Variants in PROM1 observed in about 807,000 individuals in gnomAD.
PROM1 encodes the protein prominin-1.
Under a neutral mutation model 116.9 loss-of-function variants are expected in PROM1, and 105 were observed. That is an observed-to-expected ratio of 0.90 (90% CI 0.77 to 1.06). PROM1 has a LOEUF of 1.06. Among genes scored for constraint, PROM1 ranks in the 50% least tolerant of loss-of-function variants. The probability of loss-of-function intolerance (pLI) is 0.00; values close to 1 mark genes in which losing one functional copy is unlikely to be tolerated. For synonymous variants in PROM1, 393 were observed against 387.0 expected (o/e 1.02, Z -0.18); for missense variants, 1,122 against 1,045.2 (o/e 1.07, Z -1.01).
At chr4:15,999,619 A>C (rs1230853677) in intron 14 of PROM1, among the ~76,000 whole-genome samples, 1 of 152,136 alleles carries the variant, frequency 6.6e-6, no homozygotes, top group African/African-American at 2.4e-5. Flanking sequence ...ATGATTCGAC[A>C]CTCTACAGGA....
chr4:16,039,178 AAGAAT>A (rs1291749674), intron 2 of PROM1, among the ~76,000 whole-genome samples, 177 bp from the exon 3 acceptor site: 2 of 152,210 alleles, frequency 1.3e-5, no homozygotes, highest in Admixed American at 6.5e-5. Flanking sequence ...GCCAGAAGCC[AAGAAT>A]AGAAGACAAA....
Position 15,969,051 on chromosome 4 carries a change from TAG to T in PROM1, c.*340_*341del, listed in dbSNP as rs912196430. On this transcript the variant is annotated 3_prime_UTR_variant, in exon 28 of 28. Coordinates refer to ENST00000447510, the MANE Select transcript of PROM1 (RefSeq NM_006017.3). ...GTTAGAATCTAGCCATCACATTTGA[TAG>T]AGTTTTGATAGAAATGCATCCAATG... 2 of 152,258 alleles carry T rather than the reference TAG, an allele frequency of 1.3e-5. No homozygotes were observed. The highest frequency in any genetic ancestry group is 2.9e-5 in the Non-Finnish European group (2 of 68,044). The allele number at this position is 152,258 out of a possible 1,614,324, so 9.4% of individuals were successfully genotyped here.
At chr4:16,064,553 C>T (rs1044831722) in intron 2 of PROM1, among the ~76,000 whole-genome samples, 1 of 152,164 alleles carries the variant, frequency 6.6e-6, no homozygotes, top group African/African-American at 2.4e-5. Flanking sequence ...AGTCATCAAG[C>T]TGTAAGCTTA....
chr4:15,978,691 G>A lies in PROM1; in HGVS notation c.2582+704C>T, dbSNP rs936666970. 5.3e-5 allele frequency among the ~76,000 whole-genome samples: 8 copies of A among 152,326 alleles called. No homozygotes were observed. The South Asian group carries it at 8.3e-4, about 16-fold the overall frequency. On this transcript the variant is annotated intron_variant, in intron 26 of 27. Transcript: ENST00000447510. ...GCACTGGCGGGCCAGCTGTATGGGC[G>A]TGGGAAGGATCACGCCCACTGAAGA...
rs981648099 is a variant in PROM1, at chr4:15,999,871, C to T, written c.1578+625G>A. Among the ~76,000 whole-genome samples, 3 of 151,688 alleles carry T rather than the reference C, an allele frequency of 2.0e-5. No homozygotes were observed. In the South Asian group the frequency reaches 6.2e-4, roughly 31 times the overall value. On this transcript the variant is annotated intron_variant, in intron 14 of 27. Transcript: ENST00000447510. Reference sequence around the variant, plus strand: ...AGAAAAAAAAAACACAGAAAAGCCACAATTAGAAGCCAGACACTTACAACA... The same window carrying T: ...AGAAAAAAAAAACACAGAAAAGCCATAATTAGAAGCCAGACACTTACAACA...
intron 15 of PROM1, among the ~76,000 whole-genome samples, chr4:15,995,105 T>C (rs1215377422): frequency 1.3e-5 from 2 of 152,172 alleles, no homozygotes; most frequent in African/African-American, 4.8e-5. Context: ...TGAGGCTCCC[T>C]GGGCTAAGCA....
chr4:15,999,288 G>A (rs1320752395), intron 14 of PROM1, among the ~76,000 whole-genome samples: 4 of 151,910 alleles, frequency 2.6e-5, no homozygotes, highest in Non-Finnish European at 4.4e-5. Flanking sequence ...TGGCTAACGT[G>A]GTGAAACCCC....
At chr4:15,991,172 A>T in intron 18 of PROM1, 50 bp downstream of exon 18, 1 of 1,481,424 alleles carries the variant, frequency 6.8e-7, no homozygotes, top group East Asian at 2.3e-5. Context: ...TGGTACTGAC[A>T]TTTGACATCT....
chr4:16,042,041 CGGCTTCAAACGATCCTCTCACCTT>C, intron 2 of PROM1, among the ~76,000 whole-genome samples: 1 of 152,190 alleles, frequency 6.6e-6, no homozygotes, highest in African/African-American at 2.4e-5. Flanking sequence ...CTTAAACCCC[CGGCTTCAAACGATCCTCTCACCTT>C]GGCCTCCCAA....
Position 16,001,472 on chromosome 4 carries a change from C to T in PROM1, c.1455-853G>A, listed in dbSNP as rs571406916. Among the ~76,000 whole-genome samples, 374 of 152,212 alleles carry T rather than the reference C, an allele frequency of 2.5e-3. 1 individual carries two copies. Among genetic ancestry groups the T allele is most frequent in the Middle Eastern group, 0.024 (7 of 292 alleles). ...ACAGCCTAGGGCTGGGTCTGGAAGA[C>T]TTCAACATTTACAAAGATGGGTGGT... On this transcript the variant is annotated intron_variant, in intron 13 of 27. Transcript: ENST00000447510.
intron 8 of PROM1, among the ~76,000 whole-genome samples, chr4:16,022,541 G>A (rs1452091238): frequency 6.6e-6 from 1 of 152,168 alleles, no homozygotes; most frequent in Non-Finnish European, 1.5e-5. Flanking sequence ...AAAGGAACTG[G>A]AATAATTTTC....
chr4:16,043,036 G>A (rs527274287), intron 2 of PROM1, among the ~76,000 whole-genome samples: 6 of 152,258 alleles, frequency 3.9e-5, no homozygotes, highest in Admixed American at 6.5e-5. Flanking sequence ...GTTTATTATC[G>A]TTCTTTTTAA....
intron 10 of PROM1, among the ~76,000 whole-genome samples, chr4:16,013,711 G>T (rs1471830494): frequency 6.6e-6 from 1 of 152,120 alleles, no homozygotes; most frequent in Non-Finnish European, 1.5e-5. Flanking sequence ...GAGACATTTT[G>T]GTTATCACAG....
intron 1 of PROM1, among the ~76,000 whole-genome samples, chr4:16,077,618 C>T (rs1744234867): frequency 6.6e-6 from 1 of 152,016 alleles, no homozygotes; most frequent in South Asian, 2.1e-4. Context: ...TGTGGAGGGG[C>T]AACCCACCCC....
intron 15 of PROM1, 141 bp from the exon 16 acceptor site, chr4:15,994,212 G>C (rs1360435146): frequency 2.0e-6 from 3 of 1,473,590 alleles, no homozygotes; most frequent in East Asian, 4.8e-5. Context: ...GTCCCCAGTG[G>C]CCACACAAAT....
At chr4:16,000,191 A>G (rs545165049) in intron 14 of PROM1, among the ~76,000 whole-genome samples, 18 of 152,348 alleles carry the variant, frequency 1.2e-4, no homozygotes, top group African/African-American at 4.3e-4. Context: ...CTGCTGAGGA[A>G]AATTCTTTTC....
rs181005811 is a variant in PROM1 at position 16,064,651 on chromosome 4, G to A, written c.220+11036C>T. Among the ~76,000 whole-genome samples, 4 of 152,160 alleles carry A rather than the reference G, an allele frequency of 2.6e-5. No homozygotes were observed. In the East Asian group the frequency reaches 5.8e-4, roughly 22 times the overall value. The stretch of plus-strand genomic sequence containing the variant: ...AAAAGAAACAGAAAATTAGCACTTC[G>A]GGAGGCCGAGGTGGGCTGATCACCT... On this transcript the variant is annotated intron_variant, in intron 2 of 27. Coordinates refer to ENST00000447510, the MANE Select transcript of PROM1 (RefSeq NM_006017.3).
Position 15,987,377 on chromosome 4 carries a change from G to A in PROM1, c.2130+286C>T, listed in dbSNP as rs577521292. Among the ~76,000 whole-genome samples, 4 of 152,308 alleles carry A rather than the reference G, an allele frequency of 2.6e-5. No individual in the cohort carries two copies. The South Asian group carries it at 8.3e-4, about 32-fold the overall frequency. On this transcript the variant is annotated intron_variant, in intron 20 of 27. Transcript: ENST00000447510. ...GAGGTTTGGGATTGTGTGTTAGGCA[G>A]CATTATCTCTGTGAAAGGGACCAAT...
At chr4:16,041,777 A>AT (rs1735324775) in intron 2 of PROM1, among the ~76,000 whole-genome samples, 1 of 26,756 alleles carries the variant, frequency 3.7e-5, no homozygotes, top group African/African-American at 8.8e-5. Context: ...TAAATAAATA[A>AT]ATAAATAAAT....
Sources: allele counts gnomAD v4.1 joint callset (sites outside exome capture counted in the v4.1 genomes callset), GRCh38; gene constraint gnomAD v4.1.1; transcripts MANE v1.5; gene names NCBI Gene and HGNC (gene_info 2026-07-23, HGNC 2026-07-21).